ABCA10: variants seen among roughly 807,000 people sequenced by gnomAD.
ABCA10 encodes ATP-binding cassette sub-family A member 10.
ABCA10 carries 169 observed loss-of-function variants against 187.5 expected under a neutral mutation model. The ratio of observed to expected loss-of-function variants is 0.90; its 90% CI spans 0.80 to 1.02. The LOEUF is 1.02. Among genes scored for constraint, ABCA10 ranks in the 50% least tolerant of loss-of-function variants. ABCA10 has a pLI of 0.00. For synonymous variants in ABCA10, 574 were observed against 601.8 expected (o/e 0.95, Z 0.68); for missense variants, 1,727 against 1,812.4 (o/e 0.95, Z 0.86).
At chr17:69,186,773 T>TA (rs1399799920) in intron 19 of ABCA10, among the ~76,000 whole-genome samples, 2 of 152,194 alleles carry the variant, frequency 1.3e-5, no homozygotes, top group Non-Finnish European at 2.9e-5. Flanking sequence ...CATCCCTCCC[T>TA]ATCCCCTTTT....
At chr17:69,233,213 A>G (rs1262818793), upstream of ABCA10, 1 of 151,954 alleles carries the variant, frequency 6.6e-6, no homozygotes, top group East Asian at 1.9e-4. Flanking sequence ...TTCTCTTTTA[A>G]TGTTGTTCCA....
intron 25 of ABCA10, among the ~76,000 whole-genome samples, chr17:69,167,602 C>T (rs560710392): frequency 6.6e-6 from 1 of 151,992 alleles, no homozygotes; most frequent in African/African-American, 2.4e-5. Context: ...AGACACCACA[C>T]CAGAGAAATT....
At chr17:69,241,924 A>T (rs1282339255) in intron 1 of ABCA10, among the ~76,000 whole-genome samples, 2 of 152,192 alleles carry the variant, frequency 1.3e-5, no homozygotes, top group Non-Finnish European at 2.9e-5. Context: ...AAACTTAAAG[A>T]CTTTAGGCAC....
chr17:69,209,082 G>A (rs1383698065), intron 9 of ABCA10, among the ~76,000 whole-genome samples: 3 of 152,164 alleles, frequency 2.0e-5, no homozygotes, highest in Admixed American at 6.5e-5. Flanking sequence ...TGTTTTTAAT[G>A]CTCTTGCCAT....
At chr17:69,177,446 G>A (rs994741117) in intron 22 of ABCA10, among the ~76,000 whole-genome samples, 1 of 152,038 alleles carries the variant, frequency 6.6e-6, no homozygotes, top group Non-Finnish European at 1.5e-5. Flanking sequence ...ATGGTAGGAG[G>A]ATCAGGGGGT....
intron 2 of ABCA10, among the ~76,000 whole-genome samples, 184 bp from the exon 3 acceptor site, chr17:69,225,713 CA>C (rs1351619305): frequency 6.6e-6 from 1 of 152,042 alleles, no homozygotes; most frequent in East Asian, 1.9e-4. Flanking sequence ...CAAAAATACA[CA>C]ACTTTTGAGA....
rs569989709 is a variant in ABCA10, at chr17:69,238,317, T to C, written c.-593+6212A>G. On this transcript the variant is annotated intron_variant, in intron 1 of 39. Coordinates refer to the ABCA10 transcript ENST00000269081. ...TGTAAGAGAATAAGCTTCTGTTTTTTTAAGCCACTCAATTTGTGGTACTAT... is the reference window on the plus strand; with the variant it reads ...TGTAAGAGAATAAGCTTCTGTTTTTCTAAGCCACTCAATTTGTGGTACTAT... Among the ~76,000 whole-genome samples the C allele has an allele frequency of 9.2e-5, 14 of 152,292 alleles. No individual in the cohort carries two copies. In the South Asian group the frequency reaches 2.7e-3, roughly 29 times the overall value.
chr17:69,161,659 A>T (rs2074219290), intron 27 of ABCA10, among the ~76,000 whole-genome samples: 1 of 152,172 alleles, frequency 6.6e-6, no homozygotes, highest in Non-Finnish European at 1.5e-5. Context: ...ACTCATCCTA[A>T]CTTCTTATAA....
At chr17:69,235,786 A>AC (rs2074865641) in intron 1 of ABCA10, among the ~76,000 whole-genome samples, 1 of 151,968 alleles carries the variant, frequency 6.6e-6, no homozygotes. Flanking sequence ...AAAAAAGAAA[A>AC]CAAAAAAAAC....
At chr17:69,202,527 A>T (rs2074554065) in intron 9 of ABCA10, among the ~76,000 whole-genome samples, 1 of 152,206 alleles carries the variant, frequency 6.6e-6, no homozygotes, top group South Asian at 2.1e-4. Flanking sequence ...AAAGGATCAG[A>T]TGTAGGAAGC....
At chr17:69,235,072 T>C (rs2074858486) in intron 1 of ABCA10, 1 of 152,220 alleles carries the variant, frequency 6.6e-6, no homozygotes, top group African/African-American at 2.4e-5. Flanking sequence ...AGTAAAAAAT[T>C]AGATTTGAGA....
chr17:69,150,643 C>A (rs552481277), intron 36 of ABCA10, among the ~76,000 whole-genome samples: 3 of 152,126 alleles, frequency 2.0e-5, no homozygotes, highest in East Asian at 1.9e-4. Context: ...ACCACACTTA[C>A]GATTTTCCTT....
At chr17:69,183,643 A>G (rs2074397986) in intron 20 of ABCA10, among the ~76,000 whole-genome samples, 3 of 152,098 alleles carry the variant, frequency 2.0e-5, no homozygotes. Context: ...TGGAGCTAAG[A>G]CGAATTTAGA....
In ABCA10 at chr17:69,164,164, A is replaced by C; in HGVS notation, c.3283-10T>G. On this transcript the variant is annotated splice_polypyrimidine_tract_variant and intron_variant, in intron 26 of 38. Transcript: ENST00000690296. Reference sequence around the variant, plus strand: ...TTCTCATAAAGTCGAGCTGAAAAAAAACCCACCAACAGTTAAATGCAAGTT... The same window carrying C: ...TTCTCATAAAGTCGAGCTGAAAAAACACCCACCAACAGTTAAATGCAAGTT... 1 of 1,570,286 alleles carries C rather than the reference A, an allele frequency of 6.4e-7. No individual in the cohort carries two copies. Among genetic ancestry groups the C allele is most frequent in the Non-Finnish European group, 8.6e-7 (1 of 1,166,200 alleles).
chr17:69,184,411 G>C (rs192365355), intron 20 of ABCA10, among the ~76,000 whole-genome samples: 1 of 152,110 alleles, frequency 6.6e-6, no homozygotes, highest in African/African-American at 2.4e-5. Flanking sequence ...CTCCAGGCTG[G>C]AGGCTGACCA....
rs2074804070 is a variant in ABCA10 at position 69,227,537 on chromosome 17, G to C, written c.-312-252C>G. On this transcript the variant is annotated intron_variant, in intron 1 of 38. Transcript: ENST00000690296. ...ATAAGACCTTTCTCCTTTTGTCTCA[G>C]AAGTCACTTTTTTTCCATGAAATCT... Among the ~76,000 whole-genome samples, 15 of 151,908 alleles carry C rather than the reference G, an allele frequency of 9.9e-5. 1 individual carries two copies. The South Asian group carries it at 3.1e-3, about 31-fold the overall frequency.
Position 69,156,861 on chromosome 17 carries a change from A to G in ABCA10, c.3426T>C (p.Asn1142=), listed in dbSNP as rs2074178346. 5.0e-6 allele frequency: 8 copies of G among 1,588,714 alleles called. No individual in the cohort carries two copies. The South Asian group carries it at 8.0e-5, about 16-fold the overall frequency. The part of the protein sequence containing the change: ...VIRCLEMKYG[N]EIMNKDPVFR... Reference sequence around the variant, plus strand: ...AAACTGGGTCTTTATTCATTATTTCATTTCCATACTTCATTTCCAGACACC... The same window carrying G: ...AAACTGGGTCTTTATTCATTATTTCGTTTCCATACTTCATTTCCAGACACC... Residue 1142 remains asparagine (N), a synonymous_variant, in exon 28 of 39, where the codon AAT becomes AAC. Transcript: ENST00000690296.
At chr17:69,193,386 T>A in intron 14 of ABCA10, 107 bp downstream of exon 14, 1 of 1,502,896 alleles carries the variant, frequency 6.7e-7, no homozygotes, top group Non-Finnish European at 8.9e-7. Flanking sequence ...TGGTACTTTA[T>A]TATAAATTTT....
rs149018700 is a variant in ABCA10, at chr17:69,152,083, C to G, written c.4357G>C (p.Glu1453Gln). Residue 1453 changes from glutamate to glutamine, a missense_variant, in exon 36 of 39, where the codon GAG becomes CAG. Physicochemically the swap from Glu to Gln is conservative, Grantham distance 29 (BLOSUM62 2). Transcript: ENST00000690296. ...EPTQVEALHT[E>Q]ILKLFPQAAW... ...GCCTGTGGGAAAAGCTTCAAAATCT[C>G]TGTGTGGAGAGCTTCCACCTGGGTA... 1.9e-6 allele frequency: 3 copies of G among 1,612,910 alleles called. No individual in the cohort carries two copies. Among genetic ancestry groups the G allele is most frequent in the Admixed American group, 1.7e-5 (1 of 59,798 alleles).
Sources: gnomAD v4.1 joint callset for allele counts (sites outside exome capture counted in the v4.1 genomes callset) on GRCh38, gnomAD v4.1.1 for gene constraint, MANE v1.5 for transcripts, NCBI Gene and HGNC (gene_info 2026-07-23, HGNC 2026-07-21) for gene names.